Variants in PLD1 observed in about 807,000 individuals in gnomAD.
PLD1 encodes the protein phospholipase D1, also known as choline phosphatase 1.
Under a neutral mutation model 137.1 loss-of-function variants are expected in PLD1, and 112 were observed. The observed-to-expected ratio is 0.82, with a 90% confidence interval of 0.70 to 0.96. The LOEUF is 0.96. Ranked by LOEUF, PLD1 falls within the 40% of genes least tolerant of loss-of-function variation. The probability of loss-of-function intolerance (pLI) is 0.00; values close to 1 mark genes in which losing one functional copy is unlikely to be tolerated. For missense variants in PLD1, 1,321 were observed against 1,342.0 expected (o/e 0.98, Z 0.24); for synonymous variants, 431 against 454.7 (o/e 0.95, Z 0.66).
rs568287325 is a variant in PLD1, at chr3:171,685,847, G to A, written c.1867+838C>T. On this transcript the variant is annotated intron_variant, in intron 16 of 26. Transcript: ENST00000351298. ...TCAAGATTTTTAACTGGCCAGGAGC[G>A]GTGGCTCACACCTGTAATCCCAGCA... Among the ~76,000 whole-genome samples, 70 of 152,190 alleles carry A rather than the reference G, an allele frequency of 4.6e-4. 2 individuals are homozygous for A. The South Asian group carries it at 0.013, about 29-fold the overall frequency.
At chr3:171,809,322 G>A (rs1423606192) in intron 1 of PLD1, 1 of 152,220 alleles carries the variant, frequency 6.6e-6, no homozygotes, top group Admixed American at 6.5e-5. Context: ...CAAATAGGCA[G>A]TGTGTAAATG....
chr3:171,676,033 G>T (rs992370148), intron 18 of PLD1, among the ~76,000 whole-genome samples: 2 of 151,934 alleles, frequency 1.3e-5, no homozygotes, highest in Non-Finnish European at 2.9e-5. Context: ...GTAGAGACAG[G>T]TTTTCACCAT....
intron 19 of PLD1, among the ~76,000 whole-genome samples, chr3:171,673,035 T>C (rs766920658): frequency 5.3e-5 from 8 of 152,222 alleles, no homozygotes; most frequent in Non-Finnish European, 1.0e-4. Flanking sequence ...CTTTGAAAAA[T>C]TGACCACCAC....
At chr3:171,682,326 C>T (rs759602876) in intron 16 of PLD1, among the ~76,000 whole-genome samples, 1 of 152,162 alleles carries the variant, frequency 6.6e-6, no homozygotes, top group Admixed American at 6.5e-5. Flanking sequence ...TTCCTAACCA[C>T]GTTTTTAGTG....
chr3:171,742,211 A>G (rs1437470578), intron 1 of PLD1, among the ~76,000 whole-genome samples: 3 of 151,976 alleles, frequency 2.0e-5, no homozygotes, highest in East Asian at 1.9e-4. Flanking sequence ...GACTTTTACA[A>G]TTTTCTTCAT....
intron 8 of PLD1, among the ~76,000 whole-genome samples, chr3:171,719,730 G>A (rs765946848): frequency 3.3e-5 from 5 of 152,192 alleles, no homozygotes; most frequent in Admixed American, 6.5e-5. Flanking sequence ...CTTAACTTAC[G>A]ACCAGGTGCA....
intron 23 of PLD1, among the ~76,000 whole-genome samples, chr3:171,620,745 T>C (rs1288290186): frequency 4.9e-5 from 2 of 40,878 alleles, no homozygotes; most frequent in African/African-American, 1.5e-4. Context: ...TCTCTCTCTA[T>C]ATATATATAT....
intron 9 of PLD1, among the ~76,000 whole-genome samples, chr3:171,712,619 G>A (rs527598547): frequency 6.6e-6 from 1 of 152,258 alleles, no homozygotes; most frequent in East Asian, 1.9e-4. Flanking sequence ...ATAAGTGGGG[G>A]AATTTGGCCT....
intron 24 of PLD1, among the ~76,000 whole-genome samples, chr3:171,617,183 T>C (rs1023478567): frequency 1.3e-5 from 2 of 152,174 alleles, no homozygotes; most frequent in African/African-American, 2.4e-5. Context: ...CCTGTATCCA[T>C]TGTTAATTTA....
intron 24 of PLD1, among the ~76,000 whole-genome samples, chr3:171,615,091 T>C (rs1025255595): frequency 3.3e-5 from 5 of 152,208 alleles, no homozygotes; most frequent in African/African-American, 4.8e-5. Flanking sequence ...TATAATAAGA[T>C]ATGATGGATG....
chr3:171,659,227 G>T lies in PLD1; in HGVS notation c.2415C>A (p.Ile805=), dbSNP rs752227967. 6.2e-7 allele frequency: 1 copy of T among 1,611,320 alleles called. No homozygotes were observed. The highest frequency in any genetic ancestry group is 2.2e-5 in the East Asian group (1 of 44,866). Reference sequence around the variant, plus strand: ...AAGGCTGTTACCTGTGAGCTTTCAGGATCCTCTGGGCAATGGCATCGCCTA... The same window carrying T: ...AAGGCTGTTACCTGTGAGCTTTCAGTATCCTCTGGGCAATGGCATCGCCTA... ...NKIGDAIAQR[I]LKAHRENQKY... Residue 805 remains isoleucine, a synonymous_variant, in exon 21 of 27, where the codon ATC becomes ATA. Coordinates refer to ENST00000351298, the MANE Select transcript of PLD1 (RefSeq NM_002662.5).
intron 16 of PLD1, among the ~76,000 whole-genome samples, chr3:171,683,265 G>A (rs944504864): frequency 2.6e-5 from 4 of 152,066 alleles, no homozygotes; most frequent in African/African-American, 9.7e-5. Flanking sequence ...TTGCCACCCT[G>A]GTCTGCTCTG....
At position 171,651,103 on chromosome 3, in the gene PLD1, C is replaced by A. The variant is rs140680570; in HGVS notation, c.2430-6080G>T. Among the ~76,000 whole-genome samples the A allele has an allele frequency of 1.6e-3, 251 of 152,304 alleles. 1 individual carries two copies. The highest frequency in any genetic ancestry group is 5.9e-3 in the African/African-American group (246 of 41,568). On this transcript the variant is annotated intron_variant, in intron 21 of 26. Coordinates refer to ENST00000351298, the MANE Select transcript of PLD1 (RefSeq NM_002662.5). ...CAGCATGAAGGACAGTTAGGAGAAG[C>A]TTGATCTGCTCACAACTGGGTCTCA...
rs1319372203 is a variant in PLD1 at position 171,630,573 on chromosome 3, A to T, written c.2594-10053T>A. 4.2e-3 allele frequency among the ~76,000 whole-genome samples: 584 copies of T among 140,256 alleles called. 6 individuals are homozygous for T. The highest frequency in any genetic ancestry group is 0.016 in the African/African-American group (555 of 34,882). 92.0% of individuals were successfully genotyped at this position (140,256 alleles called of 152,430 possible). A position where few individuals can be genotyped will look rare whatever the true frequency, so the allele number is the denominator to read the frequency against. On this transcript the variant is annotated intron_variant, in intron 23 of 26. Coordinates refer to ENST00000351298, the MANE Select transcript of PLD1 (RefSeq NM_002662.5). ...TAAAGACACATGCACACGTATGTTT[A>T]TTGTGGCACTATTCACAATAGCAAA...
At chr3:171,744,485 A>G (rs1720002878) in intron 1 of PLD1, among the ~76,000 whole-genome samples, 3 of 152,134 alleles carry the variant, frequency 2.0e-5, no homozygotes, top group Admixed American at 2.0e-4. Flanking sequence ...GATCTCAGGG[A>G]GCCCAGAGCC....
intron 1 of PLD1, among the ~76,000 whole-genome samples, chr3:171,767,470 A>C (rs1177737280): frequency 6.6e-6 from 1 of 152,250 alleles, no homozygotes; most frequent in Non-Finnish European, 1.5e-5. Flanking sequence ...CAGTATCTAC[A>C]TGGTTGTTTC....
chr3:171,643,291 A>G (rs1418252141), intron 22 of PLD1: 1 of 157,932 alleles, frequency 6.3e-6, no homozygotes, highest in Admixed American at 6.5e-5. Context: ...ACTTAGCAGA[A>G]TAATTTACAA....
intron 24 of PLD1, among the ~76,000 whole-genome samples, chr3:171,617,840 T>C (rs962613169): frequency 2.0e-5 from 3 of 152,140 alleles, no homozygotes; most frequent in Admixed American, 6.5e-5. Flanking sequence ...GGCATAAGTT[T>C]GCCATGGAAG....
intron 19 of PLD1, among the ~76,000 whole-genome samples, chr3:171,668,947 C>T (rs1712450144): frequency 6.6e-6 from 1 of 152,236 alleles, no homozygotes; most frequent in Admixed American, 6.5e-5. Context: ...CCCACTTCCT[C>T]CTGCTACCCA....
Sources: gnomAD v4.1 joint callset for allele counts (sites outside exome capture counted in the v4.1 genomes callset) on GRCh38, gnomAD v4.1.1 for gene constraint, MANE v1.5 for transcripts, NCBI Gene and HGNC (gene_info 2026-07-23, HGNC 2026-07-21) for gene names.